CUX1: variants seen among roughly 807,000 people sequenced by gnomAD.
CUX1 encodes cut like homeobox 1.
In CUX1, 31 loss-of-function variants were observed where a neutral mutation model predicts 158.8. The ratio of observed to expected loss-of-function variants is 0.20; its 90% CI spans 0.15 to 0.26. CUX1 has a LOEUF of 0.26. Among genes scored for constraint, CUX1 ranks in the 10% least tolerant of loss-of-function variants. CUX1 has a pLI of 1.00. For missense variants in CUX1, 1,589 were observed against 2,014.6 expected, an observed-to-expected ratio of 0.79 and a Z score of 4.04; for synonymous variants, 879 against 862.1, an observed-to-expected ratio of 1.02 and a Z score of -0.34.
intron 2 of CUX1, among the ~76,000 whole-genome samples, chr7:101,978,942 G>T (rs796080261): frequency 6.6e-5 from 10 of 152,334 alleles, no homozygotes; most frequent in African/African-American, 2.4e-4. Context: ...TATCATAGGT[G>T]CACAGTAAAC....
At chr7:102,158,657 TTTCTGGCATCTCGGA>T in intron 9 of CUX1, 49 bp downstream of exon 9, 1 of 1,582,452 alleles carries the variant, frequency 6.3e-7, no homozygotes, top group Non-Finnish European at 8.7e-7. Flanking sequence ...AGCGGGCCCG[TTTCTGGCATCTCGGA>T]AGATGCGTCA....
chr7:102,032,198 G>A (rs886316240), intron 3 of CUX1, among the ~76,000 whole-genome samples: 5 of 152,032 alleles, frequency 3.3e-5, no homozygotes, highest in Admixed American at 6.6e-5. Flanking sequence ...CAGAGGGCTG[G>A]GATTACAGGC....
chr7:102,115,306 A>C (rs1831324139), intron 8 of CUX1, 33 bp downstream of exon 8: 1 of 1,585,140 alleles, frequency 6.3e-7, no homozygotes, highest in Admixed American at 1.9e-5. Flanking sequence ...CCTTATCCGT[A>C]CACATTTCTC....
intron 4 of CUX1, among the ~76,000 whole-genome samples, chr7:102,095,388 A>T (rs1317866592): frequency 6.6e-6 from 1 of 152,202 alleles, no homozygotes; most frequent in Non-Finnish European, 1.5e-5. Flanking sequence ...GCCATGCACC[A>T]GAAAGAGATG....
chr7:102,236,998 GCT>G (rs575494683), intron 22 of CUX1, among the ~76,000 whole-genome samples: 3 of 152,132 alleles, frequency 2.0e-5, no homozygotes, highest in Non-Finnish European at 4.4e-5. Context: ...CACAAAGGCT[GCT>G]CCCTAGAGAG....
intron 20 of CUX1, among the ~76,000 whole-genome samples, chr7:102,216,840 CAT>C (rs1168887396): frequency 4.2e-5 from 6 of 144,316 alleles, no homozygotes; most frequent in African/African-American, 1.5e-4. Context: ...CACACACACA[CAT>C]TCTCTCTCCC....
Position 101,929,920 on chromosome 7 carries a change from C to T in CUX1, c.141+13695C>T, listed in dbSNP as rs569294641. Among the ~76,000 whole-genome samples the T allele has an allele frequency of 5.9e-5, 9 of 152,292 alleles. No homozygotes were observed. In the East Asian group the frequency reaches 1.5e-3, roughly 26 times the overall value. On this transcript the variant is annotated intron_variant, in intron 2 of 23. Coordinates refer to ENST00000292535, the MANE Select transcript of CUX1 (RefSeq NM_181552.4). ...ACAGTGGCCTGATCTCGGCTCACTG[C>T]AACTTCTACCTCCCGGGTTCAAGCG...
intron 4 of CUX1, among the ~76,000 whole-genome samples, chr7:102,081,456 A>T (rs1023849976): frequency 2.1e-5 from 3 of 146,240 alleles, no homozygotes; most frequent in African/African-American, 7.3e-5. Context: ...ACGAGATCCG[A>T]TGGTTTTATA....
At chr7:101,875,041 G>A (rs1490465567) in intron 1 of CUX1, among the ~76,000 whole-genome samples, 5 of 152,140 alleles carry the variant, frequency 3.3e-5, no homozygotes, top group African/African-American at 7.2e-5. Flanking sequence ...ACAGGAAGAC[G>A]TCAAAAAGGA....
intron 2 of CUX1, among the ~76,000 whole-genome samples, chr7:101,967,075 G>A (rs1298012154): frequency 3.3e-5 from 5 of 151,914 alleles, no homozygotes; most frequent in African/African-American, 9.7e-5. Flanking sequence ...GTTTAGTGGC[G>A]CAATCTCGGC....
chr7:102,004,204 G>C (rs1817053371), intron 2 of CUX1, among the ~76,000 whole-genome samples: 1 of 152,190 alleles, frequency 6.6e-6, no homozygotes, highest in African/African-American at 2.4e-5. Flanking sequence ...CACATGGTTT[G>C]ATTTGCGATG....
At chr7:101,851,343 C>T (rs1796241922) in intron 1 of CUX1, among the ~76,000 whole-genome samples, 1 of 151,896 alleles carries the variant, frequency 6.6e-6, no homozygotes, top group African/African-American at 2.4e-5. Flanking sequence ...CTTCTTGGCC[C>T]CCCTATTCTG....
intron 22 of CUX1, chr7:102,282,834 C>T: frequency 7.6e-7 from 1 of 1,310,468 alleles, no homozygotes; most frequent in Non-Finnish European, 1.1e-6. Flanking sequence ...AGCACCCCCG[C>T]AACACCCCCG....
chr7:102,193,393 A>G (rs2131939478), intron 12 of CUX1, among the ~76,000 whole-genome samples: 1 of 152,380 alleles, frequency 6.6e-6, no homozygotes, highest in South Asian at 2.1e-4. Flanking sequence ...TAGTTATTCT[A>G]GAGACATTAT....
In CUX1 at chr7:102,008,464, G is replaced by A. The variant is rs188047471; in HGVS notation, c.142-19634G>A. ...TGGGCCCCCGTTGTAGGCTAGCTGCGCCTGTCTTTCGGCACATTTCATTTC... is the reference window on the plus strand; with the variant it reads ...TGGGCCCCCGTTGTAGGCTAGCTGCACCTGTCTTTCGGCACATTTCATTTC... On this transcript the variant is annotated intron_variant, in intron 2 of 23. Transcript: ENST00000292535. Among the ~76,000 whole-genome samples, 333 of 152,100 alleles carry A rather than the reference G, an allele frequency of 2.2e-3. 1 individual carries two copies. Among genetic ancestry groups the A allele is most frequent in the African/African-American group, 7.7e-3 (318 of 41,482 alleles).
chr7:101,951,978 G>A (rs1462364544), intron 2 of CUX1, among the ~76,000 whole-genome samples: 2 of 152,218 alleles, frequency 1.3e-5, no homozygotes, highest in Admixed American at 6.5e-5. Flanking sequence ...GCTGTATGCC[G>A]ATAAAACTTT....
At chr7:102,181,229 C>T (rs1793053756) in intron 11 of CUX1, among the ~76,000 whole-genome samples, 3 of 152,122 alleles carry the variant, frequency 2.0e-5, no homozygotes, top group African/African-American at 4.8e-5. Flanking sequence ...TGTGAGCCAC[C>T]GCGAACCAGG....
intron 10 of CUX1, among the ~76,000 whole-genome samples, chr7:102,177,413 CAAAAAAAAAAA>C (rs1219318950): frequency 1.9e-5 from 2 of 106,120 alleles, no homozygotes; most frequent in Non-Finnish European, 4.1e-5. Flanking sequence ...AACTCTATCT[CAAAAAAAAAAA>C]AAAAAGAAAA....
intron 23 of CUX1, among the ~76,000 whole-genome samples, chr7:102,241,596 C>T (rs1172943942): frequency 2.0e-5 from 3 of 152,140 alleles, no homozygotes; most frequent in Admixed American, 1.3e-4. Flanking sequence ...GCCCAGTAAA[C>T]CACCCAGGCT....
Sources: allele counts gnomAD v4.1 joint callset (sites outside exome capture counted in the v4.1 genomes callset), GRCh38; gene constraint gnomAD v4.1.1; transcripts MANE v1.5; gene names NCBI Gene and HGNC (gene_info 2026-07-23, HGNC 2026-07-21).